Variants in SLCO3A1 observed in about 807,000 individuals in gnomAD.
SLCO3A1 encodes the protein solute carrier organic anion transporter family member 3A1, also known as PGE1 transporter.
Under a neutral mutation model 63.1 loss-of-function variants are expected in SLCO3A1, and 27 were observed. The observed-to-expected ratio is 0.43, with a 90% CI of 0.32 to 0.59. The LOEUF is 0.59. Among genes scored for constraint, SLCO3A1 ranks in the 20% least tolerant of loss-of-function variants. SLCO3A1 has a pLI of 0.09. For synonymous variants in SLCO3A1, 473 were observed against 409.9 expected (o/e 1.15, Z -1.86); for missense variants, 773 against 945.8 (o/e 0.82, Z 2.40).
intron 4 of SLCO3A1, among the ~76,000 whole-genome samples, chr15:92,109,035 C>T (rs757060773): frequency 6.6e-6 from 1 of 152,126 alleles, no homozygotes; most frequent in Non-Finnish European, 1.5e-5. Context: ...CAGTGCATAG[C>T]ATGTAGGTGA....
intron 4 of SLCO3A1, among the ~76,000 whole-genome samples, chr15:92,118,654 T>C (rs568411484): frequency 3.7e-4 from 57 of 152,340 alleles, no homozygotes; most frequent in African/African-American, 1.3e-3. Context: ...GACAGCTGGC[T>C]AATTCATCAC....
chr15:92,037,524 T>C (rs943954776), intron 2 of SLCO3A1, among the ~76,000 whole-genome samples: 1 of 152,204 alleles, frequency 6.6e-6, no homozygotes, highest in Non-Finnish European at 1.5e-5. Context: ...CTAGAACTTA[T>C]TTCATGGGTC....
chr15:92,122,608 TA>T (rs2047876158), intron 5 of SLCO3A1, among the ~76,000 whole-genome samples: 1 of 152,226 alleles, frequency 6.6e-6, no homozygotes, highest in Non-Finnish European at 1.5e-5. Flanking sequence ...CTATTAAAGC[TA>T]ACCATATGTC....
rs35508138 is a variant in SLCO3A1 at position 91,987,742 on chromosome 15, T to TAAA, written c.646+71297_646+71299dup. 1.7e-3 allele frequency among the ~76,000 whole-genome samples: 237 copies of TAAA among 138,482 alleles called. 4 individuals carry two copies. Among genetic ancestry groups the TAAA allele is most frequent in the South Asian group, 4.7e-3 (20 of 4,288 alleles). The allele number at this position is 138,482 out of a possible 152,430, so 90.8% of individuals were successfully genotyped here. A position where few individuals can be genotyped will look rare whatever the true frequency, so the allele number is the denominator to read the frequency against. ...CTGGGCGACAGAGCGAGACTTTGTC[T>TAAA]AAAAAAAAAAAAAAAGATAATAATA... On this transcript the variant is annotated intron_variant, in intron 2 of 9. Transcript: ENST00000318445.
At chr15:92,001,425 C>T (rs572865803) in intron 2 of SLCO3A1, among the ~76,000 whole-genome samples, 113 of 152,300 alleles carry the variant, frequency 7.4e-4, no homozygotes, top group African/African-American at 2.6e-3. Context: ...CTGGCTTGAA[C>T]CTCCTTGTTC....
intron 2 of SLCO3A1, among the ~76,000 whole-genome samples, chr15:91,980,942 T>C (rs898193759): frequency 3.9e-5 from 6 of 152,328 alleles, no homozygotes; most frequent in African/African-American, 1.4e-4. Context: ...GGCATGACCC[T>C]TTATAGAACA....
rs1309079541 is a variant in SLCO3A1, at chr15:91,950,459, A to T, written c.646+34001A>T. Among the ~76,000 whole-genome samples, 1 of 152,210 alleles carries T rather than the reference A, an allele frequency of 6.6e-6. No homozygotes were observed. Among genetic ancestry groups the T allele is most frequent in the Non-Finnish European group, 1.5e-5 (1 of 68,030 alleles). On this transcript the variant is annotated intron_variant, in intron 2 of 9. Transcript: ENST00000318445. The surrounding 1 kb of genome is among the most constrained non-coding windows in gnomAD (Gnocchi z 4.4). ...TCCCCAAGGGTCCCGGTGGGTTATTAGGAAGGGCAGATGAGCCCCTGCAGG... is the reference window on the plus strand; with the variant it reads ...TCCCCAAGGGTCCCGGTGGGTTATTTGGAAGGGCAGATGAGCCCCTGCAGG...
chr15:92,109,894 A>G (rs2047708528), intron 4 of SLCO3A1, among the ~76,000 whole-genome samples: 1 of 152,098 alleles, frequency 6.6e-6, no homozygotes, highest in Non-Finnish European at 1.5e-5. Flanking sequence ...GAGGTGAGTG[A>G]TGTTAAACCA....
chr15:92,018,343 G>A (rs1360735688), intron 2 of SLCO3A1, among the ~76,000 whole-genome samples: 1 of 152,180 alleles, frequency 6.6e-6, no homozygotes, highest in African/African-American at 2.4e-5. Flanking sequence ...GCCAGCAGGG[G>A]CCCTGGTGAT....
rs2046686822 is a variant in SLCO3A1 at position 92,033,834 on chromosome 15, C to T, written c.647-61047C>T. ...AGACATCAAGGGAGTGAGGGACAAGCCGGGAGGTTATCTGGAGGAAAAACA... is the reference window on the plus strand; with the variant it reads ...AGACATCAAGGGAGTGAGGGACAAGTCGGGAGGTTATCTGGAGGAAAAACA... On this transcript the variant is annotated intron_variant, in intron 2 of 9. Coordinates refer to ENST00000318445, the MANE Select transcript of SLCO3A1 (RefSeq NM_013272.4). The surrounding 1 kb of genome is among the most constrained non-coding windows in gnomAD (Gnocchi z 4.5). 6.6e-6 allele frequency among the ~76,000 whole-genome samples: 1 copy of T among 152,070 alleles called. No homozygotes were observed. The highest frequency in any genetic ancestry group is 2.4e-5 in the African/African-American group (1 of 41,388).
At chr15:91,861,653 G>A (rs1298728374) in intron 1 of SLCO3A1, among the ~76,000 whole-genome samples, 1 of 152,156 alleles carries the variant, frequency 6.6e-6, no homozygotes, top group Non-Finnish European at 1.5e-5. Context: ...TTGTTATTTT[G>A]AGACAGGGTC....
At position 91,897,061 on chromosome 15, in the gene SLCO3A1, T is replaced by C. The variant is rs1477606334; in HGVS notation, c.181-18932T>C. Among the ~76,000 whole-genome samples, 1 of 152,210 alleles carries C rather than the reference T, an allele frequency of 6.6e-6. No individual in the cohort carries two copies. The highest frequency in any genetic ancestry group is 2.4e-5 in the African/African-American group (1 of 41,452). ...AGTTGCCTCTAGAAAATGGAGATGA[T>C]AATGCCATTTTAGCAGCTGGAAAGT... On this transcript the variant is annotated intron_variant, in intron 1 of 9. Coordinates refer to ENST00000318445, the MANE Select transcript of SLCO3A1 (RefSeq NM_013272.4). This position sits in a 1 kb window ranked among gnomAD's most constrained non-coding sequence, Gnocchi z 4.7.
chr15:92,022,123 A>T (rs1466916144), intron 2 of SLCO3A1, among the ~76,000 whole-genome samples: 2 of 152,238 alleles, frequency 1.3e-5, no homozygotes, highest in Non-Finnish European at 2.9e-5. Context: ...GAGATAAAAC[A>T]TCAGTAATAT....
intron 2 of SLCO3A1, among the ~76,000 whole-genome samples, chr15:91,946,921 C>T (rs771740324): frequency 1.8e-4 from 28 of 152,300 alleles, no homozygotes; most frequent in African/African-American, 6.3e-4. Flanking sequence ...ACCTGCCGTG[C>T]GTGCTGCTGG....
Position 92,033,770 on chromosome 15 carries a change from A to G in SLCO3A1, c.647-61111A>G, listed in dbSNP as rs2046686054. ...TTGGGAGTCGTACAGTTTTAGTGTC[A>G]GAGGGGCAGGTCTCACTGAGGTTTT... is the stretch of plus-strand genomic sequence containing the variant. On this transcript the variant is annotated intron_variant, in intron 2 of 9. Coordinates refer to ENST00000318445, the MANE Select transcript of SLCO3A1 (RefSeq NM_013272.4). The surrounding 1 kb of genome is among the most constrained non-coding windows in gnomAD (Gnocchi z 4.5). 6.6e-6 allele frequency among the ~76,000 whole-genome samples: 1 copy of G among 152,200 alleles called. No individual in the cohort carries two copies. The highest frequency in any genetic ancestry group is 2.4e-5 in the African/African-American group (1 of 41,450).
At chr15:92,119,962 T>C (rs925916472) in intron 4 of SLCO3A1, among the ~76,000 whole-genome samples, 1 of 152,162 alleles carries the variant, frequency 6.6e-6, no homozygotes, top group Admixed American at 6.5e-5. Flanking sequence ...AAGAATTTCA[T>C]ATCTTTCTTG....
At chr15:91,906,621 C>T (rs931700300) in intron 1 of SLCO3A1, among the ~76,000 whole-genome samples, 2 of 152,264 alleles carry the variant, frequency 1.3e-5, no homozygotes, top group Admixed American at 1.3e-4. Context: ...TATGTCTGGT[C>T]CTCTGTACAT....
chr15:92,106,240 G>T (rs1385549518), intron 4 of SLCO3A1, among the ~76,000 whole-genome samples: 2 of 152,158 alleles, frequency 1.3e-5, no homozygotes, highest in East Asian at 3.8e-4. Flanking sequence ...CTGTAATTTG[G>T]AATCATCCAT....
chr15:92,048,210 G>T (rs1413565176), intron 2 of SLCO3A1, among the ~76,000 whole-genome samples: 8 of 151,920 alleles, frequency 5.3e-5, no homozygotes, highest in Non-Finnish European at 8.8e-5. Context: ...CTATTGCCTG[G>T]ACTTATTCTG....
Sources: gnomAD v4.1 joint callset for allele counts (sites outside exome capture counted in the v4.1 genomes callset) on GRCh38, gnomAD v4.1.1 for gene constraint, Gnocchi (gnomAD v3.1) non-coding constraint, MANE v1.5 for transcripts, NCBI Gene and HGNC (gene_info 2026-07-23, HGNC 2026-07-21) for gene names.